Variants in PYHIN1 observed in about 807,000 individuals in gnomAD.
PYHIN1 encodes the protein pyrin and HIN domain family member 1.
In PYHIN1, 32 loss-of-function variants were observed where a neutral mutation model predicts 43.7. The ratio of observed to expected loss-of-function variants is 0.73; its 90% CI spans 0.55 to 0.98. The LOEUF (loss-of-function observed/expected upper bound fraction) is 0.98. Ranked by LOEUF, PYHIN1 falls within the 50% of genes least tolerant of loss-of-function variation. The pLI, the probability that PYHIN1 is intolerant of heterozygous loss-of-function variation, is 0.00. For missense variants in PYHIN1, 588 were observed against 589.5 expected, an observed-to-expected ratio of 1.00 and a Z score of 0.03; for synonymous variants, 205 against 203.1, an observed-to-expected ratio of 1.01 and a Z score of -0.08.
chr1:158,980,350 G>T (rs1361958937), downstream of PYHIN1, among the ~76,000 whole-genome samples: 1 of 152,038 alleles, frequency 6.6e-6, no homozygotes, highest in Admixed American at 6.6e-5. Flanking sequence ...GAATAGTAGC[G>T]ATTTTTAGGG....
At chr1:158,976,066 T>G in intron 8 of PYHIN1, among the ~76,000 whole-genome samples, 1 of 152,120 alleles carries the variant, frequency 6.6e-6, no homozygotes, top group East Asian at 1.9e-4. Flanking sequence ...AGGATGTCCC[T>G]AAGCAAATCA....
intron 8 of PYHIN1, among the ~76,000 whole-genome samples, chr1:158,974,037 T>C (rs1365825798): frequency 6.6e-6 from 1 of 152,016 alleles, no homozygotes; most frequent in East Asian, 1.9e-4. Flanking sequence ...TGTGAGGAGG[T>C]ATCCAGACAA....
rs1412388824 is a variant in PYHIN1 at position 158,933,647 on chromosome 1, C to A, written c.-21+1871C>A. ...ATAATTAACATATTTTGGCCTGCTTCTGCTATCTTCACTTCAATTTATAAC... is the reference window on the plus strand; with the variant it reads ...ATAATTAACATATTTTGGCCTGCTTATGCTATCTTCACTTCAATTTATAAC... On this transcript the variant is annotated intron_variant, in intron 1 of 8. Coordinates refer to ENST00000368140, the MANE Select transcript of PYHIN1 (RefSeq NM_152501.5). The surrounding 1 kb of genome is among the most constrained non-coding windows in gnomAD (Gnocchi z 6.3). Among the ~76,000 whole-genome samples, 1 of 151,990 alleles carries A rather than the reference C, an allele frequency of 6.6e-6. No individual in the cohort carries two copies. The highest frequency in any genetic ancestry group is 1.5e-5 in the Non-Finnish European group (1 of 67,944).
At chr1:158,985,823 C>G in the PYHIN1 span, among the ~76,000 whole-genome samples, 2 of 152,104 alleles carry the variant, frequency 1.3e-5, no homozygotes, top group Non-Finnish European at 2.9e-5. Context: ...TACATAAACT[C>G]ATATTTCTTG....
Position 158,937,133 on chromosome 1 carries a change from C to A in PYHIN1, c.223C>A (p.Leu75Met), listed in dbSNP as rs772102650. The change falls in exon 2 of 9, where the codon CTG (leucine) becomes ATG (methionine). Residue 75 changes from leucine to methionine, a missense_variant. Physicochemically the swap from Leu to Met is conservative, Grantham distance 15. Coordinates refer to ENST00000368140, the MANE Select transcript of PYHIN1 (RefSeq NM_152501.5). ...LIEFFKEIPTLGDLAETLKRE... is the reference protein window; with the variant it reads ...LIEFFKEIPTMGDLAETLKRE... ...AGAATTCTTCAAAGAAATACCAACA[C>A]TGGGAGACCTTGCTGAAACTCTTAA... 1.1e-5 allele frequency: 18 copies of A among 1,605,786 alleles called. No homozygotes were observed. Among genetic ancestry groups the A allele is most frequent in the Non-Finnish European group, 1.5e-5 (18 of 1,177,354 alleles).
the PYHIN1 span, among the ~76,000 whole-genome samples, chr1:158,989,469 A>AAGCTG: frequency 1.3e-5 from 2 of 152,360 alleles, no homozygotes; most frequent in East Asian, 3.9e-4. Context: ...GCAATGAAGT[A>AAGCTG]AGCTGAGAGC....
the PYHIN1 span, among the ~76,000 whole-genome samples, chr1:158,982,579 C>T: frequency 6.6e-6 from 1 of 152,136 alleles, no homozygotes; most frequent in Non-Finnish European, 1.5e-5. Context: ...AGTGTGATGC[C>T]TCCAGCTTTG....
chr1:158,953,643 G>T (rs1283063207), intron 7 of PYHIN1, among the ~76,000 whole-genome samples: 1 of 152,080 alleles, frequency 6.6e-6, no homozygotes, highest in African/African-American at 2.4e-5. Flanking sequence ...AAACCACAAA[G>T]ATGGGGAAAA....
downstream of PYHIN1, among the ~76,000 whole-genome samples, chr1:158,980,785 C>G (rs560380763): frequency 1.3e-5 from 2 of 152,200 alleles, no homozygotes; most frequent in East Asian, 3.9e-4. Context: ...TGTCCCGTTC[C>G]CTCAGAAGTA....
intron 7 of PYHIN1, among the ~76,000 whole-genome samples, chr1:158,951,118 C>T (rs143077219): frequency 2.0e-5 from 3 of 152,206 alleles, no homozygotes; most frequent in African/African-American, 4.8e-5. Context: ...CCTGTGAGCT[C>T]GAAATCTGGG....
At chr1:158,942,496 T>A in intron 5 of PYHIN1, 97 bp downstream of exon 5, 1 of 966,066 alleles carries the variant, frequency 1.0e-6, no homozygotes, top group Non-Finnish European at 1.5e-6. Flanking sequence ...TACTTAACAT[T>A]AAAACTCAGG....
At chr1:158,973,505 T>TCACA (rs144676333) in intron 7 of PYHIN1, 142 bp from the exon 8 acceptor site, 61,370 of 478,834 alleles carry the variant, frequency 0.13, 1,838 homozygotes, top group East Asian at 0.23. Context: ...AAAGGGATTT[T>TCACA]CACACACACA....
chr1:158,989,501 T>C, the PYHIN1 span, among the ~76,000 whole-genome samples: 1 of 152,332 alleles, frequency 6.6e-6, no homozygotes, highest in East Asian at 1.9e-4. Flanking sequence ...TATTGTCTAA[T>C]TCAATAACAC....
At chr1:158,987,514 T>C in the PYHIN1 span, among the ~76,000 whole-genome samples, 1 of 152,210 alleles carries the variant, frequency 6.6e-6, no homozygotes, top group Non-Finnish European at 1.5e-5. Context: ...TTCTTGATAA[T>C]GTTATTTGAT....
intron 7 of PYHIN1, 73 bp downstream of exon 7, chr1:158,945,115 GT>G: frequency 1.4e-6 from 2 of 1,429,378 alleles, no homozygotes; most frequent in South Asian, 2.8e-5. Context: ...TGTTGAAAGA[GT>G]TTCTCTTCTA....
rs561243055 is a variant in PYHIN1, at chr1:158,966,241, A to G, written c.1360-7406A>G. 1.1e-4 allele frequency among the ~76,000 whole-genome samples: 17 copies of G among 152,266 alleles called. No individual in the cohort carries two copies. The South Asian group carries it at 3.5e-3, about 32-fold the overall frequency. ...AAATTGAATCAGTAAGAAAAAGTCT[A>G]CCAACTAAAAGTAGCCCATGACCAG... On this transcript the variant is annotated intron_variant, in intron 7 of 8. Transcript: ENST00000368140.
rs370870504 is a variant in PYHIN1, at chr1:158,942,218, A to G, written c.821A>G (p.Tyr274Cys). ...AAGAGAATCATCATTATATCAAATTATTCCAAACGTAATAGTCTCCTAGAG... is the reference window on the plus strand; with the variant it reads ...AAGAGAATCATCATTATATCAAATTGTTCCAAACGTAATAGTCTCCTAGAG... ...IKKRIIIISN[Y>C]SKRNSLLEVN... Residue 274 changes from tyrosine (Y) to cysteine (C), a missense_variant, in exon 5 of 9, where the codon TAT becomes TGT. Tyr to Cys is a radical substitution (Grantham distance 194). Transcript: ENST00000368140. 29 of 1,613,962 alleles carry G rather than the reference A, an allele frequency of 1.8e-5. No homozygotes were observed. The highest frequency in any genetic ancestry group is 2.7e-5 in the African/African-American group (2 of 74,928).
At chr1:158,946,390 G>C (rs1051706749) in intron 7 of PYHIN1, among the ~76,000 whole-genome samples, 1 of 152,146 alleles carries the variant, frequency 6.6e-6, no homozygotes, top group African/African-American at 2.4e-5. Context: ...GGAAAAAAAT[G>C]TTAAAAAACA....
downstream of PYHIN1, among the ~76,000 whole-genome samples, chr1:158,977,843 T>C (rs1354821703): frequency 6.6e-6 from 1 of 152,146 alleles, no homozygotes; most frequent in African/African-American, 2.4e-5. Context: ...TTGTTCTGGC[T>C]TGGGTTAGGT....
Sources: gnomAD v4.1 joint callset for allele counts (sites outside exome capture counted in the v4.1 genomes callset) on GRCh38, gnomAD v4.1.1 for gene constraint, Gnocchi (gnomAD v3.1) non-coding constraint, MANE v1.5 for transcripts, NCBI Gene and HGNC (gene_info 2026-07-23, HGNC 2026-07-21) for gene names.